The following ZNF804A variants were observed in gnomAD, a reference collection of about 807,000 sequenced individuals.
ZNF804A encodes zinc finger protein 804A.
A neutral mutation model predicts 16.5 loss-of-function variants in ZNF804A; 2 were observed. The observed-to-expected ratio is 0.12, with a 90% CI of 0.05 to 0.38. The LOEUF (loss-of-function observed/expected upper bound fraction) is 0.38. ZNF804A is among the 10% of genes least tolerant of loss of function. The pLI is 0.99. For synonymous variants in ZNF804A, 534 were observed against 489.6 expected (o/e 1.09, Z -1.20); for missense variants, 1,473 against 1,390.7 (o/e 1.06, Z -0.94).
At chr2:184,612,351 AGTACAGATT>A (rs1437841925) in intron 1 of ZNF804A, among the ~76,000 whole-genome samples, 1 of 152,154 alleles carries the variant, frequency 6.6e-6, no homozygotes, top group Admixed American at 6.5e-5. Flanking sequence ...CTAGGGAAAT[AGTACAGATT>A]GTTTAAAATT....
chr2:184,740,363 G>A lies in ZNF804A; in HGVS notation c.112-126006G>A, dbSNP rs1429115828. On this transcript the variant is annotated intron_variant, in intron 1 of 3. Transcript: ENST00000302277. ...GCAAGTTTTCTAAGGGTGTTAAATA[G>A]CATTAGAGTGTTGGCCTCTTTACGG... 3.3e-5 allele frequency among the ~76,000 whole-genome samples: 5 copies of A among 152,162 alleles called. No individual in the cohort carries two copies. The East Asian group carries it at 9.6e-4, about 29-fold the overall frequency.
chr2:184,650,321 G>A (rs1574147032), intron 1 of ZNF804A, among the ~76,000 whole-genome samples: 1 of 152,022 alleles, frequency 6.6e-6, no homozygotes, highest in South Asian at 2.1e-4. Flanking sequence ...AAAATAATAA[G>A]AGCCATCTAT....
chr2:184,755,582 T>C (rs900091705), intron 1 of ZNF804A, among the ~76,000 whole-genome samples: 4 of 152,016 alleles, frequency 2.6e-5, no homozygotes, highest in Non-Finnish European at 4.4e-5. Flanking sequence ...GCAATAAAAA[T>C]GGATTCTTTA....
At chr2:184,801,949 T>A (rs567877451) in intron 1 of ZNF804A, among the ~76,000 whole-genome samples, 1 of 152,182 alleles carries the variant, frequency 6.6e-6, no homozygotes, top group Non-Finnish European at 1.5e-5. Flanking sequence ...GGAGTTGGAC[T>A]GTGTTTAACA....
intron 1 of ZNF804A, among the ~76,000 whole-genome samples, chr2:184,835,567 T>C (rs1157866342): frequency 6.6e-6 from 1 of 151,174 alleles, no homozygotes; most frequent in South Asian, 2.1e-4. Context: ...AAGCCCTGCC[T>C]CCAGAGTCAA....
intron 1 of ZNF804A, among the ~76,000 whole-genome samples, chr2:184,846,086 A>G (rs2105801947): frequency 2.0e-5 from 3 of 152,206 alleles, no homozygotes; most frequent in South Asian, 4.2e-4. Context: ...AGATGTGTGG[A>G]CTCTCAAGCT....
At chr2:184,693,330 A>G (rs1374979594) in intron 1 of ZNF804A, among the ~76,000 whole-genome samples, 1 of 152,194 alleles carries the variant, frequency 6.6e-6, no homozygotes, top group Non-Finnish European at 1.5e-5. Context: ...ACCTCATTTT[A>G]TAAGTAGATA....
At chr2:184,610,952 C>A (rs1559107513) in intron 1 of ZNF804A, among the ~76,000 whole-genome samples, 1 of 152,054 alleles carries the variant, frequency 6.6e-6, no homozygotes, top group African/African-American at 2.4e-5. Flanking sequence ...TCAACATTTC[C>A]TTTTTTTCTC....
chr2:184,795,861 G>A (rs553939824), intron 1 of ZNF804A, among the ~76,000 whole-genome samples: 1 of 152,146 alleles, frequency 6.6e-6, no homozygotes, highest in Non-Finnish European at 1.5e-5. Flanking sequence ...AGCCCTCCTA[G>A]CTTAAATCAG....
At chr2:184,907,329 G>C (rs1685291947) in intron 2 of ZNF804A, among the ~76,000 whole-genome samples, 1 of 152,062 alleles carries the variant, frequency 6.6e-6, no homozygotes, top group Non-Finnish European at 1.5e-5. Flanking sequence ...TTCTGACTTG[G>C]AAATTACCTG....
At chr2:184,709,701 AAAT>A (rs2105735925) in intron 1 of ZNF804A, among the ~76,000 whole-genome samples, 1 of 151,632 alleles carries the variant, frequency 6.6e-6, no homozygotes, top group Admixed American at 6.6e-5. Context: ...GTGACTTCCA[AAAT>A]AATGATTTTT....
intron 1 of ZNF804A, among the ~76,000 whole-genome samples, chr2:184,764,715 A>T (rs529761231): frequency 6.6e-6 from 1 of 152,214 alleles, no homozygotes; most frequent in African/African-American, 2.4e-5. Context: ...AAAGCATGAG[A>T]TAATAAAACT....
At chr2:184,827,193 G>A (rs1014850496) in intron 1 of ZNF804A, among the ~76,000 whole-genome samples, 13 of 151,280 alleles carry the variant, frequency 8.6e-5, no homozygotes, top group Non-Finnish European at 1.5e-4. Flanking sequence ...TTAAACTATG[G>A]ACAATTAGTT....
intron 1 of ZNF804A, among the ~76,000 whole-genome samples, chr2:184,753,321 TC>T: frequency 6.6e-6 from 1 of 151,810 alleles, no homozygotes; most frequent in Admixed American, 6.6e-5. Context: ...TTCCATGTTG[TC>T]CTAGAATGAC....
chr2:184,770,948 A>G (rs112918004), intron 1 of ZNF804A, among the ~76,000 whole-genome samples: 4,724 of 152,148 alleles, frequency 0.031, 230 homozygotes, highest in African/African-American at 0.11. Context: ...TCACCCAAAG[A>G]CAGATACGTA....
chr2:184,888,194 A>T (rs1382965522), intron 2 of ZNF804A, among the ~76,000 whole-genome samples: 1 of 152,160 alleles, frequency 6.6e-6, no homozygotes, highest in Non-Finnish European at 1.5e-5. Flanking sequence ...TTACTTTGGG[A>T]CATACTTAAA....
intron 1 of ZNF804A, among the ~76,000 whole-genome samples, chr2:184,750,924 A>G (rs146555759): frequency 6.6e-6 from 1 of 151,434 alleles, no homozygotes; most frequent in African/African-American, 2.4e-5. Flanking sequence ...AAGTGAAATC[A>G]TGGAGTACTT....
chr2:184,690,799 T>A (rs1420213600), intron 1 of ZNF804A, among the ~76,000 whole-genome samples: 1 of 152,028 alleles, frequency 6.6e-6, no homozygotes, highest in Non-Finnish European at 1.5e-5. Context: ...GTACTGTGGG[T>A]GGTTTAGAAA....
chr2:184,740,104 T>G (rs1472830351), intron 1 of ZNF804A, among the ~76,000 whole-genome samples: 1 of 152,194 alleles, frequency 6.6e-6, no homozygotes, highest in African/African-American at 2.4e-5. Flanking sequence ...CCTGTTTAAA[T>G]TCAATATTTC....
Sources: allele counts gnomAD v4.1 joint callset (sites outside exome capture counted in the v4.1 genomes callset), GRCh38; gene constraint gnomAD v4.1.1; transcripts MANE v1.5; gene names NCBI Gene and HGNC (gene_info 2026-07-23, HGNC 2026-07-21).